ELFN2: variants seen among roughly 807,000 people sequenced by gnomAD.
The protein encoded by ELFN2 is protein phosphatase 1 regulatory subunit 29.
Under a neutral mutation model 45.5 loss-of-function variants are expected in ELFN2, and 17 were observed. That is an observed-to-expected ratio of 0.37 (90% CI 0.26 to 0.56). The LOEUF (loss-of-function observed/expected upper bound fraction) is 0.56. Ranked by LOEUF, ELFN2 falls within the 20% of genes least tolerant of loss-of-function variation. The pLI is 0.77. For missense variants in ELFN2, 922 were observed against 1,183.2 expected, an observed-to-expected ratio of 0.78 and a Z score of 3.24; for synonymous variants, 550 against 551.5, an observed-to-expected ratio of 1.00 and a Z score of 0.04.
chr22:37,381,143 T>A (rs1931750582), intron 2 of ELFN2, among the ~76,000 whole-genome samples: 1 of 152,112 alleles, frequency 6.6e-6, no homozygotes, highest in Non-Finnish European at 1.5e-5. Flanking sequence ...CAATGCTCCT[T>A]TGTGTCTGAC....
At chr22:37,365,230 C>T (rs920552331), downstream of ELFN2, among the ~76,000 whole-genome samples, 1 of 152,200 alleles carries the variant, frequency 6.6e-6, no homozygotes, top group Non-Finnish European at 1.5e-5. Flanking sequence ...CCTGCAGCCA[C>T]AAGGGCTCAT....
Position 37,374,243 on chromosome 22 carries a change from G to A in ELFN2, c.1292C>T (p.Ser431Phe). Residue 431 changes from serine (S) to phenylalanine (F), a missense_variant, in exon 3 of 3, where the codon TCT (serine) becomes TTT (phenylalanine). This residue lies in a region of ELFN2 where 564 missense variants were observed against 642.8 expected (regional missense o/e 0.88). Coordinates refer to ENST00000402918, the MANE Select transcript of ELFN2 (RefSeq NM_052906.5). ...CAGGATGGTCTTCTTGACGTTGACA[G>A]ACTTCTGCTTCTCCTCCTGCATGCG... ...KRRMQEEKQKSVNVKKTILEM... is the reference protein window; with the variant it reads ...KRRMQEEKQKFVNVKKTILEM... The A allele has an allele frequency of 6.2e-7, 1 of 1,614,004 alleles. No individual in the cohort carries two copies. The highest frequency in any genetic ancestry group is 8.5e-7 in the Non-Finnish European group (1 of 1,180,048).
At chr22:37,402,834 C>T (rs576282654) in intron 2 of ELFN2, among the ~76,000 whole-genome samples, 2 of 152,286 alleles carry the variant, frequency 1.3e-5, no homozygotes, top group South Asian at 4.1e-4. Flanking sequence ...GGCCTCGTCC[C>T]AGCCAACCCG....
In ELFN2 at chr22:37,387,453, T is replaced by C. The variant is rs1931978583; in HGVS notation, c.-462-11457A>G. Among the ~76,000 whole-genome samples, 4 of 152,076 alleles carry C rather than the reference T, an allele frequency of 2.6e-5. No individual in the cohort carries two copies. In the South Asian group the frequency reaches 8.3e-4, roughly 32 times the overall value. ...CAAATGTTTTTCCCCTTTTCCTCCT[T>C]CCCTGACACCTTCCCCCTCTGTAGC... is the stretch of plus-strand genomic sequence containing the variant. On this transcript the variant is annotated intron_variant, in intron 2 of 2. Transcript: ENST00000402918.
chr22:37,401,254 TG>T (rs1207935828), intron 2 of ELFN2, among the ~76,000 whole-genome samples: 1 of 152,200 alleles, frequency 6.6e-6, no homozygotes, highest in Non-Finnish European at 1.5e-5. Flanking sequence ...TCATCTCAGG[TG>T]GGCAGTGTCT....
chr22:37,344,437 G>C (rs1930647409), intron 1 of ELFN2, among the ~76,000 whole-genome samples: 1 of 151,740 alleles, frequency 6.6e-6, no homozygotes, highest in African/African-American at 2.4e-5. Flanking sequence ...TCAGCGCCAG[G>C]TGGACAGGGC....
At chr22:37,405,963 C>A (rs1932491403) in intron 2 of ELFN2, among the ~76,000 whole-genome samples, 1 of 152,092 alleles carries the variant, frequency 6.6e-6, no homozygotes, top group African/African-American at 2.4e-5. Context: ...ATAGTAAGAC[C>A]CTGTCTCCAC....
intron 1 of ELFN2, among the ~76,000 whole-genome samples, chr22:37,357,291 G>A (rs552815495): frequency 4.6e-4 from 70 of 152,342 alleles, no homozygotes; most frequent in African/African-American, 1.6e-3. Context: ...CACGCTAGAC[G>A]GGAGGTTGGG....
chr22:37,363,885 C>T (rs111541711), downstream of ELFN2, among the ~76,000 whole-genome samples: 196 of 152,310 alleles, frequency 1.3e-3, 1 homozygote, highest in African/African-American at 4.5e-3. Context: ...AAGACAGTGA[C>T]AGCGGGAGGC....
downstream of ELFN2, among the ~76,000 whole-genome samples, chr22:37,363,889 G>A (rs980893396): frequency 2.0e-5 from 3 of 152,172 alleles, no homozygotes; most frequent in Non-Finnish European, 2.9e-5. Context: ...CAGTGACAGC[G>A]GGAGGCCAGA....
At position 37,373,470 on chromosome 22, in the gene ELFN2, C is replaced by T. The variant is rs969952157; in HGVS notation, c.2065G>A (p.Gly689Ser). Residue 689 changes from glycine to serine, a missense_variant, in exon 3 of 3, where the codon GGC becomes AGC. Physicochemically the swap from Gly to Ser is moderately conservative, Grantham distance 56. Coordinates refer to ENST00000402918, the MANE Select transcript of ELFN2 (RefSeq NM_052906.5). ...LVPAGSGGGS[G>S]GGGGIHHLEV... ...AGGTGGTGGATGCCCCCGCCCCCGC[C>T]GCTGCCCCCGCCGCTGCCCGCCGGC... is the stretch of plus-strand genomic sequence containing the variant. 1.0e-5 allele frequency: 16 copies of T among 1,532,792 alleles called. No individual in the cohort carries two copies. In the Admixed American group the frequency reaches 2.2e-4, roughly 21 times the overall value. 94.9% of individuals were successfully genotyped at this position (1,532,792 alleles called of 1,614,324 possible). A position where few individuals can be genotyped will look rare whatever the true frequency, so the allele number is the denominator to read the frequency against.
Position 37,375,836 on chromosome 22 carries a change from C to CCCT in ELFN2, c.-305_-303dup, listed in dbSNP as rs142158248. The CCCT allele has an allele frequency of 0.27, 92,240 of 344,610 alleles. 10,305 individuals carry two copies. The highest frequency in any genetic ancestry group is 0.34 in the East Asian group (5,625 of 16,308). 21.3% of individuals were successfully genotyped at this position (344,610 alleles called of 1,614,324 possible). A position where few individuals can be genotyped will look rare whatever the true frequency, so the allele number is the denominator to read the frequency against. On this transcript the variant is annotated 5_prime_UTR_variant, in exon 3 of 3. Transcript: ENST00000402918. ...GGGTTCTCAGGGCTTGACTTCCTCT[C>CCCT]CCTCCTCCTCCTCCTCCTCCTCCTC...
rs1450324345 is a variant in ELFN2, at chr22:37,368,763, A to G, written c.*4309T>C. On this transcript the variant is annotated 3_prime_UTR_variant, in exon 3 of 3. Coordinates refer to ENST00000402918, the MANE Select transcript of ELFN2 (RefSeq NM_052906.5). ...CCGACGGCTTGCCCCGCCCATCCAC[A>G]CTCATGGAAAGGGGGCTCTGCTGGG... is the stretch of plus-strand genomic sequence containing the variant. 1 of 152,024 alleles carries G rather than the reference A, an allele frequency of 6.6e-6. No homozygotes were observed. Among genetic ancestry groups the G allele is most frequent in the African/African-American group, 2.4e-5 (1 of 41,338 alleles). 9.4% of individuals were successfully genotyped at this position (152,024 alleles called of 1,614,324 possible).
intron 2 of ELFN2, among the ~76,000 whole-genome samples, chr22:37,404,365 G>C (rs1033688732): frequency 6.6e-6 from 1 of 152,134 alleles, no homozygotes; most frequent in Non-Finnish European, 1.5e-5. Flanking sequence ...ATTTGAGTCA[G>C]GCTTAGCGAA....
chr22:37,369,381 C>G lies in ELFN2; in HGVS notation c.*3691G>C, dbSNP rs1344627906. 6.6e-6 allele frequency: 1 copy of G among 152,440 alleles called. No homozygotes were observed. The highest frequency in any genetic ancestry group is 1.5e-5 in the Non-Finnish European group (1 of 68,222). 9.4% of individuals were successfully genotyped at this position (152,440 alleles called of 1,614,324 possible). A position where few individuals can be genotyped will look rare whatever the true frequency, so the allele number is the denominator to read the frequency against. On this transcript the variant is annotated 3_prime_UTR_variant, in exon 3 of 3. Transcript: ENST00000402918. Reference sequence around the variant, plus strand: ...CACCCTCCTCGCTCCCCTGACAGCCCTTTTCCCAGACCTACCCAGACACGG... The same window carrying G: ...CACCCTCCTCGCTCCCCTGACAGCCGTTTTCCCAGACCTACCCAGACACGG...
At chr22:37,343,159 C>T (rs1168614680) in intron 1 of ELFN2, among the ~76,000 whole-genome samples, 1 of 152,116 alleles carries the variant, frequency 6.6e-6, no homozygotes, top group East Asian at 1.9e-4. Context: ...AGCAGGGCGG[C>T]GACTGGAAGG....
At chr22:37,385,629 A>G (rs1293395540) in intron 2 of ELFN2, among the ~76,000 whole-genome samples, 1 of 152,206 alleles carries the variant, frequency 6.6e-6, no homozygotes, top group African/African-American at 2.4e-5. Flanking sequence ...TTATGAGGCC[A>G]GCAACAAGGG....
intron 2 of ELFN2, among the ~76,000 whole-genome samples, chr22:37,390,241 G>C (rs1336494217): frequency 6.6e-6 from 1 of 152,228 alleles, no homozygotes; most frequent in Non-Finnish European, 1.5e-5. Flanking sequence ...GGAGTGCCCA[G>C]CGCCTGACAC....
At chr22:37,402,305 G>A (rs1932382679) in intron 2 of ELFN2, among the ~76,000 whole-genome samples, 1 of 152,222 alleles carries the variant, frequency 6.6e-6, no homozygotes. Context: ...AAGGCAGCCT[G>A]TGGTTCGGTT....
Sources: allele counts gnomAD v4.1 joint callset (sites outside exome capture counted in the v4.1 genomes callset), GRCh38; gene constraint gnomAD v4.1.1; regional missense constraint gnomAD v4.1.1; transcripts MANE v1.5; gene names NCBI Gene and HGNC (gene_info 2026-07-23, HGNC 2026-07-21).